CTTNBP2: variants seen among roughly 807,000 people sequenced by gnomAD.
The protein encoded by CTTNBP2 is cortactin binding protein 2.
CTTNBP2 carries 108 observed loss-of-function variants against 156.9 expected under a neutral mutation model. The ratio of observed to expected loss-of-function variants is 0.69; its 90% CI spans 0.59 to 0.81. The LOEUF is 0.81. Ranked by LOEUF, CTTNBP2 falls within the 30% of genes least tolerant of loss-of-function variation. The probability of loss-of-function intolerance (pLI) is 0.00; values close to 1 mark genes in which losing one functional copy is unlikely to be tolerated. For missense variants in CTTNBP2, 1,924 were observed against 2,035.4 expected, an observed-to-expected ratio of 0.95 and a Z score of 1.05; for synonymous variants, 767 against 751.8, an observed-to-expected ratio of 1.02 and a Z score of -0.33.
intron 2 of CTTNBP2, among the ~76,000 whole-genome samples, chr7:117,837,110 G>C (rs1202565246): frequency 1.3e-5 from 2 of 152,154 alleles, no homozygotes; most frequent in African/African-American, 2.4e-5. Flanking sequence ...ACTGAGTTCT[G>C]ATTGACATCA....
At chr7:117,717,937 G>C (rs1794537395) in intron 22 of CTTNBP2, 81 bp downstream of exon 22, 1 of 869,536 alleles carries the variant, frequency 1.2e-6, no homozygotes, top group Admixed American at 1.9e-5. Flanking sequence ...ATAACTCTGT[G>C]ATTCACACTG....
chr7:117,780,678 A>G (rs1259518421), intron 6 of CTTNBP2, 87 bp from the exon 7 acceptor site: 1 of 729,574 alleles, frequency 1.4e-6, no homozygotes, highest in African/African-American at 1.8e-5. Flanking sequence ...ACAGAAAAGA[A>G]AGCAATGTTG....
chr7:117,758,789 C>T (rs544529016), intron 10 of CTTNBP2, among the ~76,000 whole-genome samples: 23 of 152,294 alleles, frequency 1.5e-4, no homozygotes, highest in South Asian at 1.2e-3. Context: ...CAAAACTCAA[C>T]GATTTTTCGA....
At chr7:117,751,344 C>A (rs746542629) in intron 12 of CTTNBP2, among the ~76,000 whole-genome samples, 2 of 152,172 alleles carry the variant, frequency 1.3e-5, no homozygotes, top group Non-Finnish European at 2.9e-5. Flanking sequence ...AGAAACAGTT[C>A]TAGGCCAGCT....
intron 7 of CTTNBP2, among the ~76,000 whole-genome samples, chr7:117,780,127 T>C (rs1798335436): frequency 6.6e-6 from 1 of 152,204 alleles, no homozygotes; most frequent in African/African-American, 2.4e-5. Flanking sequence ...CTGAGACTAT[T>C]ATTTGTTGAA....
chr7:117,854,603 A>G (rs1399638826), intron 2 of CTTNBP2, among the ~76,000 whole-genome samples: 1 of 152,192 alleles, frequency 6.6e-6, no homozygotes, highest in Non-Finnish European at 1.5e-5. Context: ...TCAATTTTAA[A>G]TAGTAAAATA....
intron 7 of CTTNBP2, 143 bp from the exon 8 acceptor site, chr7:117,777,908 C>T (rs1177515817): frequency 1.3e-6 from 1 of 741,004 alleles, no homozygotes; most frequent in Non-Finnish European, 2.2e-6. Context: ...AACATTATCA[C>T]TGATGAGCTG....
chr7:117,806,788 T>G (rs1799978070), intron 3 of CTTNBP2, among the ~76,000 whole-genome samples: 1 of 147,048 alleles, frequency 6.8e-6, no homozygotes, highest in Non-Finnish European at 1.5e-5. Context: ...AGACAGAGTC[T>G]CGCTCTGTTG....
At chr7:117,747,727 C>G (rs1273378172) in intron 12 of CTTNBP2, among the ~76,000 whole-genome samples, 1 of 152,136 alleles carries the variant, frequency 6.6e-6, no homozygotes. Flanking sequence ...GAGCCAAGAT[C>G]ATGCCACTGC....
intron 22 of CTTNBP2, 54 bp downstream of exon 22, chr7:117,717,964 G>C (rs953028453): frequency 1.8e-6 from 2 of 1,106,420 alleles, no homozygotes; most frequent in African/African-American, 3.1e-5. Flanking sequence ...GATTTGTGAA[G>C]TCAATTCCAC....
At chr7:117,824,203 C>G (rs1476690471) in intron 2 of CTTNBP2, among the ~76,000 whole-genome samples, 1 of 151,386 alleles carries the variant, frequency 6.6e-6, no homozygotes, top group African/African-American at 2.4e-5. Context: ...CCTTATTAAG[C>G]CAATTCTTTT....
Position 117,777,485 on chromosome 7 carries a change from A to C in CTTNBP2, c.2778+26T>G, listed in dbSNP as rs767547326. 12 of 1,599,114 alleles carry C rather than the reference A, an allele frequency of 7.5e-6. 1 individual carries two copies. In the South Asian group the frequency reaches 1.3e-4, roughly 18 times the overall value. On this transcript the variant is annotated intron_variant, in intron 8 of 22. Transcript: ENST00000160373. Reference sequence around the variant, plus strand: ...CTGCTCATCAAATTACAGCTGCATGATGAGGCCAGCTGCTACCAGACACAC... The same window carrying C: ...CTGCTCATCAAATTACAGCTGCATGCTGAGGCCAGCTGCTACCAGACACAC...
At chr7:117,773,824 G>T (rs1038281515) in intron 8 of CTTNBP2, among the ~76,000 whole-genome samples, 1 of 152,006 alleles carries the variant, frequency 6.6e-6, no homozygotes, top group Admixed American at 6.6e-5. Flanking sequence ...GCATTAAATC[G>T]TCAACTTGTT....
At chr7:117,745,245 G>A (rs1247663716) in intron 14 of CTTNBP2, among the ~76,000 whole-genome samples, 1 of 152,196 alleles carries the variant, frequency 6.6e-6, no homozygotes, top group Non-Finnish European at 1.5e-5. Context: ...GGACCTCTCT[G>A]TGACCCTTTC....
chr7:117,784,284 C>T lies in CTTNBP2; in HGVS notation c.2239G>A (p.Ala747Thr). Residue 747 changes from alanine to threonine, a missense_variant, in exon 5 of 23, where the codon GCC becomes ACC. Ala to Thr is a moderately conservative substitution (Grantham distance 58). Transcript: ENST00000160373. ...INYSCEDGHS[A>T]LYSAAKNGHT... Reference sequence around the variant, plus strand: ...CCATTCTTAGCAGCAGAATACAAGGCAGAATGGCCATCTTCACAGGAGTAA... The same window carrying T: ...CCATTCTTAGCAGCAGAATACAAGGTAGAATGGCCATCTTCACAGGAGTAA... The T allele has an allele frequency of 6.2e-7, 1 of 1,613,084 alleles. No homozygotes were observed. Among genetic ancestry groups the T allele is most frequent in the South Asian group, 1.1e-5 (1 of 90,898 alleles).
chr7:117,833,336 T>C (rs1326699398), intron 2 of CTTNBP2, among the ~76,000 whole-genome samples: 1 of 152,216 alleles, frequency 6.6e-6, no homozygotes, highest in Non-Finnish European at 1.5e-5. Flanking sequence ...TTGGCATGCT[T>C]TGCCTCCTGT....
chr7:117,847,986 T>C (rs1276316453), intron 2 of CTTNBP2, among the ~76,000 whole-genome samples: 1 of 151,962 alleles, frequency 6.6e-6, no homozygotes, highest in Non-Finnish European at 1.5e-5. Context: ...GCCCAGCTAA[T>C]CTTTGTATTT....
rs370274146 is a variant in CTTNBP2 at position 117,760,538 on chromosome 7, T to G, written c.3069A>C (p.Ala1023=). The part of the protein sequence containing the change: ...VSQALTNHFQ[A]ISSDGWWSLE... ...GACTCCACCATCCATCAGAAGAGATTGCCTGGAAATGATTTGTCAGAGCTT... is the reference window on the plus strand; with the variant it reads ...GACTCCACCATCCATCAGAAGAGATGGCCTGGAAATGATTTGTCAGAGCTT... The change falls in exon 10 of 23, where the codon GCA becomes GCC. Residue 1023 remains alanine (A), a synonymous_variant. Coordinates refer to ENST00000160373, the MANE Select transcript of CTTNBP2 (RefSeq NM_033427.3). 5 of 1,614,148 alleles carry G rather than the reference T, an allele frequency of 3.1e-6. No homozygotes were observed. Among genetic ancestry groups the G allele is most frequent in the African/African-American group, 1.3e-5 (1 of 75,042 alleles).
chr7:117,792,761 C>T lies in CTTNBP2; in HGVS notation c.435G>A (p.Gln145=). ...TGTGCTCTTGCTCAAGGGCTTGTAG[C>T]TGAAGCTTCTCCATTTCCAGCTGAA... is the stretch of plus-strand genomic sequence containing the variant. ...RQKKLEMEKL[Q]LQALEQEHKK... The change falls in exon 4 of 23, where the codon CAG becomes CAA. Residue 145 remains glutamine (Q), a synonymous_variant. Coordinates refer to ENST00000160373, the MANE Select transcript of CTTNBP2 (RefSeq NM_033427.3). The surrounding 1 kb of genome is among the most constrained non-coding windows in gnomAD (Gnocchi z 4.2). 1 of 1,556,076 alleles carries T rather than the reference C, an allele frequency of 6.4e-7. No individual in the cohort carries two copies. The highest frequency in any genetic ancestry group is 8.7e-7 in the Non-Finnish European group (1 of 1,154,338).
Sources: gnomAD v4.1 joint callset for allele counts (sites outside exome capture counted in the v4.1 genomes callset) on GRCh38, gnomAD v4.1.1 for gene constraint, Gnocchi (gnomAD v3.1) non-coding constraint, MANE v1.5 for transcripts, NCBI Gene and HGNC (gene_info 2026-07-23, HGNC 2026-07-21) for gene names.